ARFGEF3: variants seen among roughly 807,000 people sequenced by gnomAD.
The protein encoded by ARFGEF3 is ARFGEF family member 3.
Under a neutral mutation model 221.7 loss-of-function variants are expected in ARFGEF3, and 96 were observed. That is an observed-to-expected ratio of 0.43 (90% CI 0.37 to 0.51). The LOEUF (loss-of-function observed/expected upper bound fraction) is 0.51, where lower values mean the gene tolerates loss of function less well. Ranked by LOEUF, ARFGEF3 falls within the 20% of genes least tolerant of loss-of-function variation. ARFGEF3 has a pLI of 0.00. For synonymous variants in ARFGEF3, 1,145 were observed against 1,126.8 expected (o/e 1.02, Z -0.32); for missense variants, 2,410 against 2,789.9 (o/e 0.86, Z 3.07).
intron 32 of ARFGEF3, among the ~76,000 whole-genome samples, chr6:138,332,821 C>T (rs78030667): frequency 0.016 from 2,384 of 152,240 alleles, 44 homozygotes; most frequent in East Asian, 0.11. Context: ...TTACTGTTTT[C>T]GAATGACAGT....
intron 6 of ARFGEF3, among the ~76,000 whole-genome samples, chr6:138,240,123 A>C (rs9321654): frequency 0.073 from 11,182 of 152,220 alleles, 971 homozygotes; most frequent in African/African-American, 0.21. Context: ...TTTAGCTTAC[A>C]GCTTGCTAAA....
At chr6:138,285,805 A>T (rs1779276704) in intron 14 of ARFGEF3, 141 bp from the exon 15 acceptor site, 3 of 581,166 alleles carry the variant, frequency 5.2e-6, no homozygotes, top group African/African-American at 3.7e-5. Flanking sequence ...AATTTATGAT[A>T]GTCTCATTAA....
intron 24 of ARFGEF3, among the ~76,000 whole-genome samples, chr6:138,310,139 C>T (rs567332818): frequency 6.6e-5 from 10 of 152,312 alleles, no homozygotes; most frequent in African/African-American, 2.4e-4. Context: ...AGTCATGGTG[C>T]CTGTGTCCTG....
At position 138,285,990 on chromosome 6, in the gene ARFGEF3, G is replaced by A; in HGVS notation, c.2506G>A (p.Ala836Thr). 6.2e-7 allele frequency: 1 copy of A among 1,611,384 alleles called. No individual in the cohort carries two copies. The highest frequency in any genetic ancestry group is 8.5e-7 in the Non-Finnish European group (1 of 1,179,734). Reference sequence around the variant, plus strand: ...CAGTGCCATTGGTGGCCAGCTGATGGCCTCGGCTGCTACAGAGTCTCCTTT... The same window carrying A: ...CAGTGCCATTGGTGGCCAGCTGATGACCTCGGCTGCTACAGAGTCTCCTTT... ...ESSAIGGQLM[A>T]SAATESPFAQ... The change falls in exon 15 of 34, where the codon GCC (alanine) becomes ACC (threonine). Residue 836 changes from alanine (A) to threonine (T), a missense_variant. Ala to Thr is a moderately conservative substitution (Grantham distance 58). This residue lies in a region of ARFGEF3 where 594 missense variants were observed against 734.3 expected (regional missense o/e 0.81). Transcript: ENST00000251691.
At chr6:138,324,870 G>C (rs775376802) in intron 31 of ARFGEF3, among the ~76,000 whole-genome samples, 1 of 152,234 alleles carries the variant, frequency 6.6e-6, no homozygotes, top group Admixed American at 6.5e-5. Flanking sequence ...AAGTGACATG[G>C]CAGTCTGCCG....
intron 4 of ARFGEF3, chr6:138,218,240 T>C: frequency 6.2e-7 from 1 of 1,613,346 alleles, no homozygotes; most frequent in African/African-American, 1.3e-5. Flanking sequence ...TTTTTCGAAA[T>C]ACCTTGTAGC....
chr6:138,278,748 A>G, intron 13 of ARFGEF3, 131 bp downstream of exon 13: 1 of 912,816 alleles, frequency 1.1e-6, no homozygotes, highest in Non-Finnish European at 1.6e-6. Context: ...TGGTAATGCC[A>G]GTGGGACTTT....
intron 9 of ARFGEF3, among the ~76,000 whole-genome samples, chr6:138,254,236 A>T (rs1387651828): frequency 6.6e-6 from 1 of 151,722 alleles, no homozygotes; most frequent in Non-Finnish European, 1.5e-5. Context: ...GGGCAACATG[A>T]TGAAACCTCG....
At chr6:138,255,056 C>A (rs1031075560) in intron 9 of ARFGEF3, among the ~76,000 whole-genome samples, 1 of 152,148 alleles carries the variant, frequency 6.6e-6, no homozygotes, top group Non-Finnish European at 1.5e-5. Flanking sequence ...CTGGGCTTAT[C>A]GACAGGAAGG....
chr6:138,287,272 G>A (rs1164910350), intron 17 of ARFGEF3, 88 bp downstream of exon 17: 8 of 973,444 alleles, frequency 8.2e-6, no homozygotes, highest in East Asian at 2.6e-5. Flanking sequence ...GCCAACACTC[G>A]TGCCTGTTCT....
intron 2 of ARFGEF3, among the ~76,000 whole-genome samples, chr6:138,178,960 G>A (rs1777009366): frequency 6.6e-6 from 1 of 152,262 alleles, no homozygotes; most frequent in South Asian, 2.1e-4. Context: ...ATTAGATAAG[G>A]GGTGGGGGAT....
chr6:138,266,758 A>G (rs1277504397), intron 12 of ARFGEF3, among the ~76,000 whole-genome samples: 10 of 149,752 alleles, frequency 6.7e-5, no homozygotes, highest in Non-Finnish European at 1.2e-4. Context: ...CTGAGGCAGG[A>G]GAATGGTGTG....
intron 10 of ARFGEF3, among the ~76,000 whole-genome samples, chr6:138,259,410 G>A (rs868136542): frequency 1.3e-5 from 2 of 152,100 alleles, no homozygotes; most frequent in South Asian, 2.1e-4. Context: ...GAACAGTAAC[G>A]AAAAAGTACA....
At chr6:138,250,372 A>ATTCTCTGCCTGT (rs1463201744) in intron 8 of ARFGEF3, among the ~76,000 whole-genome samples, 1 of 151,974 alleles carries the variant, frequency 6.6e-6, no homozygotes, top group Non-Finnish European at 1.5e-5. Flanking sequence ...ATACTTACTT[A>ATTCTCTGCCTGT]TTCTCTGCCT....
chr6:138,165,302 A>G (rs1165873568), intron 1 of ARFGEF3, among the ~76,000 whole-genome samples: 1 of 147,352 alleles, frequency 6.8e-6, no homozygotes, highest in African/African-American at 2.5e-5. Context: ...TTAGACCCTC[A>G]TAAGAGAGAG....
At chr6:138,303,736 C>A (rs1779665562) in intron 22 of ARFGEF3, among the ~76,000 whole-genome samples, 1 of 151,294 alleles carries the variant, frequency 6.6e-6, no homozygotes, top group Admixed American at 6.6e-5. Context: ...CAGGACTAGA[C>A]CTGTAGTCCC....
intron 5 of ARFGEF3, among the ~76,000 whole-genome samples, chr6:138,232,396 T>A (rs923495841): frequency 6.6e-6 from 1 of 152,098 alleles, no homozygotes; most frequent in African/African-American, 2.4e-5. Flanking sequence ...TCCCAGCTAC[T>A]CGGGAGGCTG....
rs750737108 is a variant in ARFGEF3, at chr6:138,334,681, C to T, written c.5835C>T (p.Ser1945=). ...DPFFILPSFQ[S]ESSTPSTGGF... is the part of the protein sequence containing the mutation. ...TCTTCATCCTGCCCTCCTTCCAGTC[C>T]GAGTCATCCACCCCATCCACCGGGG... The change falls in exon 33 of 34, where the codon TCC becomes TCT. Residue 1945 remains serine (S), a synonymous_variant. Transcript: ENST00000251691. This position sits in a 1 kb window ranked among gnomAD's most constrained non-coding sequence, Gnocchi z 5.1. 1.9e-6 allele frequency: 3 copies of T among 1,612,016 alleles called. No individual in the cohort carries two copies. The highest frequency in any genetic ancestry group is 1.3e-5 in the African/African-American group (1 of 74,862).
intron 8 of ARFGEF3, among the ~76,000 whole-genome samples, chr6:138,252,622 C>T (rs1509681): frequency 6.6e-6 from 1 of 152,160 alleles, no homozygotes; most frequent in Non-Finnish European, 1.5e-5. Flanking sequence ...CCTTCCACCC[C>T]CTTCTCCTGG....
Sources: gnomAD v4.1 joint callset for allele counts (sites outside exome capture counted in the v4.1 genomes callset) on GRCh38, gnomAD v4.1.1 for gene constraint, gnomAD v4.1.1 regional missense constraint, Gnocchi (gnomAD v3.1) non-coding constraint, MANE v1.5 for transcripts, NCBI Gene and HGNC (gene_info 2026-07-23, HGNC 2026-07-21) for gene names.